MSRA: variants seen among roughly 807,000 people sequenced by gnomAD.
The protein encoded by MSRA is mitochondrial peptide methionine sulfoxide reductase.
Under a neutral mutation model 31.3 loss-of-function variants are expected in MSRA, and 54 were observed. The observed-to-expected ratio is 1.73, with a 90% CI of 1.39 to 2.17. MSRA has a LOEUF of 2.17. Among genes scored for constraint, MSRA ranks in the 30% most tolerant of loss-of-function variants. The probability of loss-of-function intolerance (pLI) is 0.00; values close to 1 mark genes in which losing one functional copy is unlikely to be tolerated. For missense variants in MSRA, 507 were observed against 300.9 expected, an observed-to-expected ratio of 1.69 and a Z score of -5.07; for synonymous variants, 169 against 116.5, an observed-to-expected ratio of 1.45 and a Z score of -2.90.
chr8:10,384,176 A>G (rs1366114021), intron 5 of MSRA, among the ~76,000 whole-genome samples: 1 of 152,192 alleles, frequency 6.6e-6, no homozygotes, highest in Non-Finnish European at 1.5e-5. Flanking sequence ...CACCTGGACA[A>G]CTATGCCATG....
At chr8:10,207,979 C>G in intron 2 of MSRA, 78 bp downstream of exon 2, 3 of 1,149,928 alleles carry the variant, frequency 2.6e-6, no homozygotes, top group Non-Finnish European at 3.7e-6. Context: ...AGCAAGTGTT[C>G]TCAGGGCTTC....
intron 1 of MSRA, among the ~76,000 whole-genome samples, chr8:10,192,324 C>G (rs1486526141): frequency 6.6e-6 from 1 of 152,192 alleles, no homozygotes; most frequent in Non-Finnish European, 1.5e-5. Flanking sequence ...AGGGGAGGAT[C>G]TGCTCTCAAG....
intron 3 of MSRA, among the ~76,000 whole-genome samples, chr8:10,285,091 A>G (rs4573282): frequency 0.32 from 48,521 of 151,076 alleles, 8,159 homozygotes; most frequent in Non-Finnish European, 0.38. Context: ...TTTTAAGTGT[A>G]TTGTTCAGCA....
chr8:10,102,904 G>C (rs904626784), intron 1 of MSRA, among the ~76,000 whole-genome samples: 3 of 152,154 alleles, frequency 2.0e-5, no homozygotes, highest in Non-Finnish European at 2.9e-5. Flanking sequence ...AACCTGGACA[G>C]TGTCTCAGCT....
chr8:10,251,092 G>C (rs1797892315), intron 3 of MSRA, among the ~76,000 whole-genome samples: 1 of 152,100 alleles, frequency 6.6e-6, no homozygotes, highest in South Asian at 2.1e-4. Context: ...GTTCTTAGGA[G>C]GTCAGGTCAT....
chr8:10,263,725 A>G (rs1227086815), intron 3 of MSRA, among the ~76,000 whole-genome samples: 1 of 152,210 alleles, frequency 6.6e-6, no homozygotes, highest in Non-Finnish European at 1.5e-5. Flanking sequence ...GAATAGGGAA[A>G]GAGCTGAGTA....
rs1277747855 is a variant in MSRA, at chr8:10,192,271, T to G, written c.143-15562T>G. Among the ~76,000 whole-genome samples, 3 of 152,232 alleles carry G rather than the reference T, an allele frequency of 2.0e-5. No homozygotes were observed. In the East Asian group the frequency reaches 5.8e-4, roughly 29 times the overall value. On this transcript the variant is annotated intron_variant, in intron 1 of 5. Coordinates refer to ENST00000317173, the MANE Select transcript of MSRA (RefSeq NM_012331.5). ...AAGGAAAGGGATTAAGCTCCACTTC[T>G]TGACAGAAGAGTATCAGAATTTGTG...
rs34080926 is a variant in MSRA at position 10,350,813 on chromosome 8, G to A, written c.543+30824G>A. Reference sequence around the variant, plus strand: ...CGCGCCTCCCCCTTCACAGCATTGCGCCTTCCCTCTTCCAGTTCCCAGGGT... The same window carrying A: ...CGCGCCTCCCCCTTCACAGCATTGCACCTTCCCTCTTCCAGTTCCCAGGGT... On this transcript the variant is annotated intron_variant, in intron 5 of 5. Transcript: ENST00000317173. 4.5e-3 allele frequency among the ~76,000 whole-genome samples: 683 copies of A among 152,234 alleles called. 3 individuals carry two copies. Among genetic ancestry groups the A allele is most frequent in the Admixed American group, 6.9e-3 (105 of 15,288 alleles).
intron 1 of MSRA, among the ~76,000 whole-genome samples, chr8:10,162,144 C>T: frequency 6.6e-6 from 1 of 152,256 alleles, no homozygotes; most frequent in African/African-American, 2.4e-5. Context: ...GGGCCTGAGA[C>T]AGGGGAGTGG....
Position 10,101,342 on chromosome 8 carries a change from T to C in MSRA, c.142+46684T>C, listed in dbSNP as rs570778040. ...TAAATGGTAGATATTATTTATGTTT[T>C]ACAAAATTATTTTTTTAATTTTTAG... On this transcript the variant is annotated intron_variant, in intron 1 of 5. Coordinates refer to ENST00000317173, the MANE Select transcript of MSRA (RefSeq NM_012331.5). 4.6e-5 allele frequency among the ~76,000 whole-genome samples: 7 copies of C among 152,350 alleles called. No homozygotes were observed. In the South Asian group the frequency reaches 1.0e-3, roughly 23 times the overall value.
intron 1 of MSRA, among the ~76,000 whole-genome samples, chr8:10,102,013 G>C (rs1388515035): frequency 6.6e-6 from 1 of 152,082 alleles, no homozygotes; most frequent in African/African-American, 2.4e-5. Context: ...CATTTGAATT[G>C]TTTTGCCCTT....
At chr8:10,154,134 G>A (rs1057175334) in intron 1 of MSRA, among the ~76,000 whole-genome samples, 3 of 152,206 alleles carry the variant, frequency 2.0e-5, no homozygotes, top group African/African-American at 7.2e-5. Flanking sequence ...AAAGTAGAAT[G>A]CAAGGGTGGC....
At chr8:10,194,264 C>A (rs79627392) in intron 1 of MSRA, among the ~76,000 whole-genome samples, 9 of 152,270 alleles carry the variant, frequency 5.9e-5, no homozygotes, top group East Asian at 1.9e-4. Context: ...TCCTTCCCCC[C>A]CTTAAAAAGA....
intron 2 of MSRA, among the ~76,000 whole-genome samples, chr8:10,229,083 G>A (rs917709166): frequency 2.0e-5 from 3 of 152,198 alleles, no homozygotes; most frequent in Admixed American, 2.0e-4. Flanking sequence ...CAAGTGAGAT[G>A]TTATAAATAA....
intron 1 of MSRA, among the ~76,000 whole-genome samples, chr8:10,110,679 C>T (rs1025091765): frequency 6.6e-6 from 1 of 152,164 alleles, no homozygotes; most frequent in Non-Finnish European, 1.5e-5. Context: ...TTGATTTTCA[C>T]AGTAGTGATC....
intron 1 of MSRA, among the ~76,000 whole-genome samples, chr8:10,100,841 C>G (rs1157517512): frequency 6.6e-6 from 1 of 152,176 alleles, no homozygotes. Context: ...TTAAGAATCT[C>G]TCAGTCTTAC....
intron 3 of MSRA, among the ~76,000 whole-genome samples, chr8:10,258,583 T>G (rs956529760): frequency 6.6e-6 from 1 of 152,190 alleles, no homozygotes; most frequent in Non-Finnish European, 1.5e-5. Context: ...TGGAAAGTCT[T>G]GGAAGACTCT....
At chr8:10,155,198 C>T (rs527255244) in intron 1 of MSRA, among the ~76,000 whole-genome samples, 2 of 152,034 alleles carry the variant, frequency 1.3e-5, no homozygotes, top group East Asian at 1.9e-4. Context: ...AGGCTTATGT[C>T]GGTAGGGATA....
intron 1 of MSRA, among the ~76,000 whole-genome samples, chr8:10,138,126 T>C (rs1319309471): frequency 6.6e-6 from 1 of 152,148 alleles, no homozygotes; most frequent in East Asian, 1.9e-4. Flanking sequence ...CTGGATTGTT[T>C]TGTTCAGTGA....
Sources: gnomAD v4.1 joint callset for allele counts (sites outside exome capture counted in the v4.1 genomes callset) on GRCh38, gnomAD v4.1.1 for gene constraint, MANE v1.5 for transcripts, NCBI Gene and HGNC (gene_info 2026-07-23, HGNC 2026-07-21) for gene names.